CADM2: variants seen among roughly 807,000 people sequenced by gnomAD.
CADM2 encodes cell adhesion molecule 2.
Under a neutral mutation model 49.8 loss-of-function variants are expected in CADM2, and 12 were observed. The ratio of observed to expected loss-of-function variants is 0.24; its 90% CI spans 0.15 to 0.39. CADM2 has a LOEUF of 0.39. Among genes scored for constraint, CADM2 ranks in the 10% least tolerant of loss-of-function variants. The pLI is 1.00. For synonymous variants in CADM2, 214 were observed against 175.4 expected (o/e 1.22, Z -1.74); for missense variants, 378 against 492.3 (o/e 0.77, Z 2.20).
intron 3 of CADM2, among the ~76,000 whole-genome samples, chr3:85,826,707 C>A (rs1355687292): frequency 6.6e-6 from 1 of 151,888 alleles, no homozygotes; most frequent in Non-Finnish European, 1.5e-5. Flanking sequence ...CATATTGGTT[C>A]ATTGATTACT....
chr3:85,603,510 C>T (rs2063471211), intron 1 of CADM2, among the ~76,000 whole-genome samples: 1 of 151,882 alleles, frequency 6.6e-6, no homozygotes, highest in South Asian at 2.1e-4. Flanking sequence ...GAATAATTCC[C>T]TCAGGAACTT....
intron 1 of CADM2, among the ~76,000 whole-genome samples, chr3:85,228,086 C>T (rs1461031911): frequency 6.6e-6 from 1 of 152,136 alleles, no homozygotes; most frequent in East Asian, 1.9e-4. Context: ...CTTGGTGAAT[C>T]TGATGATTAT....
intron 2 of CADM2, among the ~76,000 whole-genome samples, chr3:85,732,094 C>CAA (rs3044020): frequency 0.011 from 965 of 90,776 alleles, 29 homozygotes; most frequent in African/African-American, 0.036. Context: ...CTAAGAATAC[C>CAA]AAAAAAAAAA....
chr3:85,482,898 A>G (rs978854444), intron 1 of CADM2, among the ~76,000 whole-genome samples: 16 of 151,630 alleles, frequency 1.1e-4, no homozygotes, highest in African/African-American at 3.6e-4. Context: ...TATGCTATGT[A>G]TGTTGTAGCA....
Position 84,959,572 on chromosome 3 carries a change from C to T in CADM2, c.-36C>T. The T allele has an allele frequency of 5.9e-6, 9 of 1,531,922 alleles. No individual in the cohort carries two copies. Among genetic ancestry groups the T allele is most frequent in the Non-Finnish European group, 7.9e-6 (9 of 1,142,200 alleles). The allele number at this position is 1,531,922 out of a possible 1,614,324, so 94.9% of individuals were successfully genotyped here. ...CCCCGCTCACCAGCATCTACTTGCC[C>T]CCTCGTTCCTTCCCCAGCCCTTTAG... is the stretch of plus-strand genomic sequence containing the variant. On this transcript the variant is annotated 5_prime_UTR_variant, in exon 1 of 10. Coordinates refer to ENST00000383699, the MANE Select transcript of CADM2 (RefSeq NM_001167675.2).
At chr3:85,658,146 G>A (rs1161511932) in intron 1 of CADM2, among the ~76,000 whole-genome samples, 1 of 151,996 alleles carries the variant, frequency 6.6e-6, no homozygotes, top group Non-Finnish European at 1.5e-5. Flanking sequence ...CACACAGGAA[G>A]CAATCATTCA....
chr3:85,185,969 G>A (rs984029267), intron 1 of CADM2, among the ~76,000 whole-genome samples: 1 of 152,138 alleles, frequency 6.6e-6, no homozygotes, highest in African/African-American at 2.4e-5. Flanking sequence ...TGGCAATTTA[G>A]CTTGATCTAT....
At chr3:84,966,304 A>G (rs1307704217) in intron 1 of CADM2, among the ~76,000 whole-genome samples, 6 of 152,132 alleles carry the variant, frequency 3.9e-5, no homozygotes, top group Non-Finnish European at 8.8e-5. Flanking sequence ...GCACATATAT[A>G]CACATTTAAG....
intron 8 of CADM2, among the ~76,000 whole-genome samples, chr3:86,017,407 T>C (rs1732416231): frequency 6.6e-6 from 1 of 152,020 alleles, no homozygotes; most frequent in South Asian, 2.1e-4. Context: ...TACTTGATCA[T>C]AAAATAATTT....
At chr3:85,534,191 A>G (rs974728743) in intron 1 of CADM2, among the ~76,000 whole-genome samples, 8 of 152,172 alleles carry the variant, frequency 5.3e-5, no homozygotes, top group African/African-American at 1.7e-4. Flanking sequence ...CTTTACAGCA[A>G]TTCATTTCTT....
At chr3:85,255,245 A>G (rs2042859498) in intron 1 of CADM2, among the ~76,000 whole-genome samples, 1 of 152,038 alleles carries the variant, frequency 6.6e-6, no homozygotes, top group African/African-American at 2.4e-5. Flanking sequence ...ATAATACAGA[A>G]TCTGGTGTCA....
intron 2 of CADM2, among the ~76,000 whole-genome samples, chr3:85,733,959 G>T (rs2068033341): frequency 6.6e-6 from 1 of 151,950 alleles, no homozygotes; most frequent in East Asian, 1.9e-4. Context: ...TACAGGTTTT[G>T]AAACAGAAAA....
intron 1 of CADM2, among the ~76,000 whole-genome samples, chr3:85,501,738 C>A (rs1026314557): frequency 1.3e-5 from 2 of 152,016 alleles, no homozygotes; most frequent in Non-Finnish European, 2.9e-5. Flanking sequence ...TGAATATGCA[C>A]ATATATGTAT....
intron 8 of CADM2, among the ~76,000 whole-genome samples, chr3:86,032,130 T>C (rs1221892444): frequency 6.6e-6 from 1 of 151,806 alleles, no homozygotes; most frequent in Non-Finnish European, 1.5e-5. Context: ...ACTGATTTAA[T>C]ACACCAATTA....
At chr3:85,406,259 A>T (rs1490076457) in intron 1 of CADM2, among the ~76,000 whole-genome samples, 1 of 152,070 alleles carries the variant, frequency 6.6e-6, no homozygotes, top group Admixed American at 6.6e-5. Flanking sequence ...TGCATTGGAG[A>T]AGAGATAATA....
chr3:85,873,080 G>A (rs2075990576), intron 3 of CADM2, among the ~76,000 whole-genome samples: 1 of 152,108 alleles, frequency 6.6e-6, no homozygotes, highest in Non-Finnish European at 1.5e-5. Flanking sequence ...GAAGGTAAAA[G>A]GGCACTTCCC....
chr3:85,575,141 C>T (rs1000807762), intron 1 of CADM2, among the ~76,000 whole-genome samples: 10 of 152,170 alleles, frequency 6.6e-5, no homozygotes, highest in African/African-American at 1.9e-4. Context: ...GCTACCATAT[C>T]AATGAGACTA....
chr3:85,483,843 T>C (rs1334195091), intron 1 of CADM2, among the ~76,000 whole-genome samples: 1 of 151,602 alleles, frequency 6.6e-6, no homozygotes, highest in Non-Finnish European at 1.5e-5. Flanking sequence ...TGAATTACTA[T>C]TTTGTAACTG....
At chr3:85,194,181 C>T (rs921699344) in intron 1 of CADM2, among the ~76,000 whole-genome samples, 30 of 151,890 alleles carry the variant, frequency 2.0e-4, no homozygotes, top group African/African-American at 7.0e-4. Flanking sequence ...AGTTTTGTTG[C>T]ATATGTAAGT....
Sources: gnomAD v4.1 joint callset for allele counts (sites outside exome capture counted in the v4.1 genomes callset) on GRCh38, gnomAD v4.1.1 for gene constraint, MANE v1.5 for transcripts, NCBI Gene and HGNC (gene_info 2026-07-23, HGNC 2026-07-21) for gene names.